The following COBLL1 variants were observed in gnomAD, a reference collection of about 807,000 sequenced individuals.
COBLL1 encodes cordon-bleu protein-like 1.
In COBLL1, 50 loss-of-function variants were observed where a neutral mutation model predicts 94.8. The observed-to-expected ratio is 0.53, with a 90% confidence interval of 0.42 to 0.67. The LOEUF is 0.67. COBLL1 is among the 30% of genes least tolerant of loss of function. The probability of loss-of-function intolerance (pLI) is 0.00; values close to 1 mark genes in which losing one functional copy is unlikely to be tolerated. For synonymous variants in COBLL1, 448 were observed against 473.8 expected (o/e 0.95, Z 0.71); for missense variants, 1,362 against 1,348.7 (o/e 1.01, Z -0.15).
upstream of COBLL1, chr2:164,841,923 T>G: frequency 6.7e-7 from 1 of 1,494,090 alleles, no homozygotes; most frequent in Middle Eastern, 1.8e-4. This position sits in a 1 kb window ranked among gnomAD's most constrained non-coding sequence, Gnocchi z 5.5. Flanking sequence ...GGCTGGGCGC[T>G]GGGGGCCTCG....
chr2:164,703,138 A>C (rs746278282), intron 9 of COBLL1: 31 of 1,613,570 alleles, frequency 1.9e-5, no homozygotes, highest in Non-Finnish European at 2.5e-5. Context: ...CAGGTGTCCC[A>C]GGGCACTCAA....
chr2:164,781,713 G>A (rs1325101700), intron 2 of COBLL1, among the ~76,000 whole-genome samples: 6 of 152,124 alleles, frequency 3.9e-5, no homozygotes, highest in Non-Finnish European at 8.8e-5. Flanking sequence ...AATTTAATTT[G>A]AAATTGTGCC....
intron 7 of COBLL1, among the ~76,000 whole-genome samples, chr2:164,718,666 C>T (rs774517978): frequency 7.3e-4 from 111 of 151,906 alleles, no homozygotes; most frequent in Non-Finnish European, 9.6e-4. Context: ...ATACATAATG[C>T]AAATTAAGAG....
At chr2:164,834,820 C>G (rs187684454) in intron 2 of COBLL1, among the ~76,000 whole-genome samples, 333 of 152,226 alleles carry the variant, frequency 2.2e-3, no homozygotes, top group Non-Finnish European at 4.2e-3. Flanking sequence ...AGAATTAAAA[C>G]AGATTGAAAA....
rs1416595469 is a variant in COBLL1, at chr2:164,683,622, G to A, written c.*2324C>T. 6.6e-6 allele frequency: 1 copy of A among 151,996 alleles called. No individual in the cohort carries two copies. Among genetic ancestry groups the A allele is most frequent in the Non-Finnish European group, 1.5e-5 (1 of 67,972 alleles). The allele number at this position is 151,996 out of a possible 1,614,324, so 9.4% of individuals were successfully genotyped here. On this transcript the variant is annotated 3_prime_UTR_variant, in exon 14 of 14. Coordinates refer to ENST00000652658, the MANE Select transcript of COBLL1 (RefSeq NM_001365672.2). ...GATGCCTCTTATAAATCTCAATTCA[G>A]TCTTTCTTGGTTCCCACAGGTAACC...
chr2:164,755,157 C>T (rs921795956), intron 2 of COBLL1, among the ~76,000 whole-genome samples: 12 of 152,016 alleles, frequency 7.9e-5, no homozygotes, highest in Admixed American at 2.6e-4. Flanking sequence ...AAAGCAAGAC[C>T]CTGTCTGCAA....
chr2:164,711,574 A>T (rs1684902786), intron 7 of COBLL1, among the ~76,000 whole-genome samples: 1 of 152,228 alleles, frequency 6.6e-6, no homozygotes, highest in African/African-American at 2.4e-5. Flanking sequence ...GGACTTTAAT[A>T]AAAGTTAAAT....
intron 2 of COBLL1, chr2:164,840,860 C>A: frequency 2.9e-6 from 1 of 340,462 alleles, no homozygotes; most frequent in Non-Finnish European, 5.3e-6. Flanking sequence ...AAACAAGGGT[C>A]CCTTTGTTAC....
intron 2 of COBLL1, among the ~76,000 whole-genome samples, chr2:164,818,686 G>GTATA (rs1332912280): frequency 1.4e-5 from 2 of 147,524 alleles, no homozygotes; most frequent in Non-Finnish European, 3.0e-5. Flanking sequence ...AACATATATA[G>GTATA]TGTATATGTA....
At chr2:164,813,275 T>A (rs1684547534) in intron 2 of COBLL1, among the ~76,000 whole-genome samples, 1 of 152,134 alleles carries the variant, frequency 6.6e-6, no homozygotes, top group South Asian at 2.1e-4. Flanking sequence ...TCAACAAAGA[T>A]CTCTTAGTAA....
chr2:164,774,854 A>G (rs1210197524), intron 2 of COBLL1, among the ~76,000 whole-genome samples: 1 of 137,072 alleles, frequency 7.3e-6, no homozygotes, highest in African/African-American at 2.9e-5. Context: ...AGGTGCCTGT[A>G]TCACTTTTTT....
intron 1 of COBLL1, among the ~76,000 whole-genome samples, chr2:164,673,477 C>A (rs563041761): frequency 6.6e-6 from 1 of 152,208 alleles, no homozygotes; most frequent in East Asian, 1.9e-4. Context: ...GAGCTTGAGA[C>A]CACCCTGGCC....
intron 2 of COBLL1, among the ~76,000 whole-genome samples, chr2:164,752,736 C>T (rs112732915): frequency 3.8e-4 from 58 of 152,256 alleles, no homozygotes; most frequent in African/African-American, 1.3e-3. Flanking sequence ...CCCAGCCCTA[C>T]CACTGAGACA....
chr2:164,832,821 A>C (rs1024307172), intron 2 of COBLL1, among the ~76,000 whole-genome samples: 3 of 151,854 alleles, frequency 2.0e-5, no homozygotes, highest in African/African-American at 7.3e-5. Flanking sequence ...AGGCGGGCGG[A>C]TCACCTGAGG....
At chr2:164,803,909 C>T (rs932029266) in intron 2 of COBLL1, among the ~76,000 whole-genome samples, 6 of 152,038 alleles carry the variant, frequency 3.9e-5, no homozygotes, top group Non-Finnish European at 7.4e-5. Context: ...AGGCAGAAAA[C>T]ATCTTCTTGA....
chr2:164,788,914 A>T lies in COBLL1; in HGVS notation c.42-45039T>A, dbSNP rs1683020553. Among the ~76,000 whole-genome samples, 3 of 152,002 alleles carry T rather than the reference A, an allele frequency of 2.0e-5. No individual in the cohort carries two copies. In the South Asian group the frequency reaches 6.2e-4, roughly 32 times the overall value. On this transcript the variant is annotated intron_variant, in intron 2 of 13. Coordinates refer to ENST00000652658, the MANE Select transcript of COBLL1 (RefSeq NM_001365672.2). ...GAGTAGTAGAAAAGGGTTAGTTGGA[A>T]AGGTAGGAGAACAAGAATTTGTAAA...
chr2:164,761,944 A>G (rs1687703559), intron 2 of COBLL1, among the ~76,000 whole-genome samples: 1 of 152,176 alleles, frequency 6.6e-6, no homozygotes, highest in African/African-American at 2.4e-5. Context: ...TTTTTCCACT[A>G]TCTCCCTGCC....
chr2:164,840,782 A>C, intron 2 of COBLL1: 1 of 190,442 alleles, frequency 5.3e-6, no homozygotes, highest in Non-Finnish European at 1.1e-5. Context: ...GCCCATGACC[A>C]AGGAAACTTT....
intron 12 of COBLL1, among the ~76,000 whole-genome samples, 195 bp downstream of exon 12, chr2:164,694,074 A>G (rs1683761831): frequency 6.6e-6 from 1 of 152,160 alleles, no homozygotes. Flanking sequence ...AGTAATACCT[A>G]AACAAGTTAT....
Sources: gnomAD v4.1 joint callset for allele counts (sites outside exome capture counted in the v4.1 genomes callset) on GRCh38, gnomAD v4.1.1 for gene constraint, Gnocchi (gnomAD v3.1) non-coding constraint, MANE v1.5 for transcripts, NCBI Gene and HGNC (gene_info 2026-07-23, HGNC 2026-07-21) for gene names.